FBXL7: variants seen among roughly 807,000 people sequenced by gnomAD.
FBXL7 encodes F-box and leucine rich repeat protein 7, also known as F-box/LRR-repeat protein 7.
FBXL7 carries 12 observed loss-of-function variants against 38.3 expected under a neutral mutation model. The ratio of observed to expected loss-of-function variants is 0.31; its 90% CI spans 0.20 to 0.51. FBXL7 has a LOEUF of 0.51. FBXL7 is among the 20% of genes least tolerant of loss of function. The probability of loss-of-function intolerance (pLI) is 0.98; values close to 1 mark genes in which losing one functional copy is unlikely to be tolerated. For synonymous variants in FBXL7, 297 were observed against 300.9 expected, an observed-to-expected ratio of 0.99 and a Z score of 0.13; for missense variants, 567 against 676.4, an observed-to-expected ratio of 0.84 and a Z score of 1.79.
chr5:15,833,626 A>C (rs376945726), intron 2 of FBXL7, among the ~76,000 whole-genome samples: 5 of 152,322 alleles, frequency 3.3e-5, no homozygotes, highest in African/African-American at 1.2e-4. Context: ...AAGTCTTTCC[A>C]GATTTACCCT....
intron 1 of FBXL7, among the ~76,000 whole-genome samples, chr5:15,551,404 C>T (rs1738065538): frequency 6.6e-6 from 1 of 152,214 alleles, no homozygotes; most frequent in African/African-American, 2.4e-5. Context: ...ATTATTTCTG[C>T]ATAATTATCC....
At chr5:15,677,889 A>G (rs1419135033) in intron 2 of FBXL7, among the ~76,000 whole-genome samples, 1 of 152,082 alleles carries the variant, frequency 6.6e-6, no homozygotes, top group Non-Finnish European at 1.5e-5. Flanking sequence ...CTCTTTTTCT[A>G]TAGCTTCATG....
At chr5:15,686,091 G>T (rs1349836736) in intron 2 of FBXL7, among the ~76,000 whole-genome samples, 3 of 152,232 alleles carry the variant, frequency 2.0e-5, no homozygotes, top group African/African-American at 7.2e-5. Context: ...CAGGGTCTAT[G>T]CACTTGATGT....
intron 2 of FBXL7, among the ~76,000 whole-genome samples, chr5:15,723,700 AT>A (rs1337661831): frequency 1.3e-5 from 2 of 152,178 alleles, no homozygotes; most frequent in Non-Finnish European, 1.5e-5. Context: ...TATTAATATA[AT>A]TTGCTTAATT....
chr5:15,832,212 A>G (rs980080124), intron 2 of FBXL7, among the ~76,000 whole-genome samples: 1 of 152,210 alleles, frequency 6.6e-6, no homozygotes, highest in Non-Finnish European at 1.5e-5. Flanking sequence ...CCCTGAGGGC[A>G]GTACATGGAG....
intron 3 of FBXL7, among the ~76,000 whole-genome samples, chr5:15,933,515 C>T (rs1579614690): frequency 6.6e-6 from 1 of 152,152 alleles, no homozygotes; most frequent in African/African-American, 2.4e-5. Flanking sequence ...TTACAGTCAG[C>T]CTCAAGAAAG....
chr5:15,505,870 A>G (rs1166835275), intron 1 of FBXL7, among the ~76,000 whole-genome samples: 6 of 152,158 alleles, frequency 3.9e-5, no homozygotes, highest in Non-Finnish European at 1.5e-5. Context: ...TGAAAACCCC[A>G]GTGGATGCCT....
intron 2 of FBXL7, among the ~76,000 whole-genome samples, chr5:15,887,682 C>T (rs760723409): frequency 3.3e-5 from 5 of 152,112 alleles, no homozygotes; most frequent in Non-Finnish European, 7.4e-5. Context: ...ATATTAACTC[C>T]GCTACTCATG....
At chr5:15,762,691 G>A (rs1477741089) in intron 2 of FBXL7, among the ~76,000 whole-genome samples, 6 of 152,172 alleles carry the variant, frequency 3.9e-5, no homozygotes, top group Admixed American at 2.6e-4. Context: ...TTGCAAAACA[G>A]CGTACTGCTG....
intron 2 of FBXL7, among the ~76,000 whole-genome samples, chr5:15,663,913 C>CT (rs1290982574): frequency 6.6e-6 from 1 of 151,888 alleles, no homozygotes; most frequent in African/African-American, 2.4e-5. Flanking sequence ...TCTTTGATGT[C>CT]TTTTTTTTCT....
intron 2 of FBXL7, among the ~76,000 whole-genome samples, chr5:15,674,287 T>A (rs997680897): frequency 6.6e-6 from 1 of 152,224 alleles, no homozygotes; most frequent in Non-Finnish European, 1.5e-5. Flanking sequence ...ATTTAGCTGT[T>A]GATAATAGCT....
In FBXL7 at chr5:15,937,737, C is replaced by G. The variant is rs936127084; in HGVS notation, c.*551C>G. 1 of 152,886 alleles carries G rather than the reference C, an allele frequency of 6.5e-6. No individual in the cohort carries two copies. The highest frequency in any genetic ancestry group is 2.4e-5 in the African/African-American group (1 of 41,446). The allele number at this position is 152,886 out of a possible 1,614,324, so 9.5% of individuals were successfully genotyped here. On this transcript the variant is annotated 3_prime_UTR_variant, in exon 4 of 4. Transcript: ENST00000504595. ...TTGCATAGGCAAAATACTTTTCAGG[C>G]CTTTTTAAAAAATTCATTACAGCAA...
chr5:15,517,833 A>T (rs990430040), intron 1 of FBXL7, among the ~76,000 whole-genome samples: 7 of 152,114 alleles, frequency 4.6e-5, no homozygotes, highest in Admixed American at 2.0e-4. Flanking sequence ...GGAGAAAAAA[A>T]TTGACATCTC....
At chr5:15,693,770 C>T (rs1373527568) in intron 2 of FBXL7, among the ~76,000 whole-genome samples, 2 of 152,264 alleles carry the variant, frequency 1.3e-5, no homozygotes, top group African/African-American at 4.8e-5. Context: ...GGAAATTTGG[C>T]AGAGGGTGGT....
intron 1 of FBXL7, among the ~76,000 whole-genome samples, chr5:15,545,555 A>G (rs1317685117): frequency 6.6e-6 from 1 of 151,986 alleles, no homozygotes; most frequent in Non-Finnish European, 1.5e-5. Flanking sequence ...TAATGATTTC[A>G]CCCTCAATTT....
In FBXL7 at chr5:15,552,952, C is replaced by T. The variant is rs145553002; in HGVS notation, c.37+52239C>T. Among the ~76,000 whole-genome samples, 876 of 152,124 alleles carry T rather than the reference C, an allele frequency of 5.8e-3. 13 individuals are homozygous for T. Among genetic ancestry groups the T allele is most frequent in the African/African-American group, 0.02 (840 of 41,514 alleles). On this transcript the variant is annotated intron_variant, in intron 1 of 3. Transcript: ENST00000504595. ...CAAAAATTAGCCAGGCGTGATGGCA[C>T]GCACCTATAGTCCCAGCTACTCAGG...
chr5:15,736,677 C>T (rs1473168169), intron 2 of FBXL7, among the ~76,000 whole-genome samples: 3 of 152,164 alleles, frequency 2.0e-5, no homozygotes, highest in Non-Finnish European at 2.9e-5. Flanking sequence ...AACAATTCTA[C>T]CAGTCAGGGT....
intron 1 of FBXL7, among the ~76,000 whole-genome samples, chr5:15,582,383 G>T (rs1739172032): frequency 6.6e-6 from 1 of 152,180 alleles, no homozygotes; most frequent in African/African-American, 2.4e-5. Flanking sequence ...GGATCAATTT[G>T]ATCTTCTCTG....
intron 2 of FBXL7, among the ~76,000 whole-genome samples, chr5:15,821,998 A>C (rs1201119552): frequency 2.0e-5 from 3 of 152,106 alleles, no homozygotes; most frequent in Non-Finnish European, 4.4e-5. Context: ...GCCTCAGTAA[A>C]AACCATTTTC....
Sources: allele counts gnomAD v4.1 joint callset (sites outside exome capture counted in the v4.1 genomes callset), GRCh38; gene constraint gnomAD v4.1.1; transcripts MANE v1.5; gene names NCBI Gene and HGNC (gene_info 2026-07-23, HGNC 2026-07-21).